Variants in ARID5B observed in about 807,000 individuals in gnomAD.
ARID5B encodes AT-rich interactive domain-containing protein 5B.
Under a neutral mutation model 97.2 loss-of-function variants are expected in ARID5B, and 13 were observed. The ratio of observed to expected loss-of-function variants is 0.13; its 90% CI spans 0.09 to 0.21. The LOEUF is 0.21. Ranked by LOEUF, ARID5B falls within the 10% of genes least tolerant of loss-of-function variation. The pLI, the probability that ARID5B is intolerant of heterozygous loss-of-function variation, is 1.00. For synonymous variants in ARID5B, 556 were observed against 570.3 expected, an observed-to-expected ratio of 0.97 and a Z score of 0.36; for missense variants, 1,210 against 1,465.3, an observed-to-expected ratio of 0.83 and a Z score of 2.84.
intron 4 of ARID5B, among the ~76,000 whole-genome samples, chr10:62,008,763 G>A (rs564431043): frequency 2.0e-4 from 31 of 152,308 alleles, no homozygotes; most frequent in South Asian, 4.1e-4. Context: ...CTCTTTAAGA[G>A]TGCAAACTAT....
In ARID5B at chr10:61,930,706, C is replaced by T. The variant is rs60120069; in HGVS notation, c.277-9477C>T. Among the ~76,000 whole-genome samples, 495 of 62,400 alleles carry T rather than the reference C, an allele frequency of 7.9e-3. 3 individuals carry two copies. The highest frequency in any genetic ancestry group is 0.027 in the African/African-American group (461 of 16,786). 40.9% of individuals were successfully genotyped at this position (62,400 alleles called of 152,430 possible). On this transcript the variant is annotated intron_variant, in intron 2 of 9. Coordinates refer to ENST00000279873, the MANE Select transcript of ARID5B (RefSeq NM_032199.3). ...CTGCACTCCAGCCTGGGCGACAGAG[C>T]GAGACTCCGCCTCAAAAAATAAATA...
intron 4 of ARID5B, among the ~76,000 whole-genome samples, chr10:62,034,595 G>T (rs1839538186): frequency 6.6e-6 from 1 of 152,232 alleles, no homozygotes; most frequent in South Asian, 2.1e-4. Flanking sequence ...TCTGTGTAAA[G>T]TGTGACATTT....
At chr10:62,081,918 T>G (rs1170107802) in intron 8 of ARID5B, among the ~76,000 whole-genome samples, 2 of 152,316 alleles carry the variant, frequency 1.3e-5, no homozygotes, top group South Asian at 4.1e-4. Flanking sequence ...TGTATGATGA[T>G]AATTTAGTGG....
In ARID5B at chr10:61,962,827, CA is replaced by C. The variant is rs375571852; in HGVS notation, c.502+22420del. On this transcript the variant is annotated intron_variant, in intron 3 of 9. Transcript: ENST00000279873. ...AGTTATCCGTTAAGTCACCAAAAAG[CA>C]TTTATGGTCTTAGAGTAAATGATTG... 5.8e-4 allele frequency among the ~76,000 whole-genome samples: 88 copies of C among 152,250 alleles called. 2 individuals carry two copies. The East Asian group carries it at 0.015, about 26-fold the overall frequency.
At chr10:61,975,776 A>C (rs1021469784) in intron 3 of ARID5B, among the ~76,000 whole-genome samples, 4 of 152,130 alleles carry the variant, frequency 2.6e-5, no homozygotes, top group African/African-American at 9.7e-5. Context: ...GATGGATGTA[A>C]ATTCTGAGCA....
chr10:61,922,723 G>A (rs2132771891), intron 2 of ARID5B, among the ~76,000 whole-genome samples: 1 of 152,392 alleles, frequency 6.6e-6, no homozygotes, highest in Non-Finnish European at 1.5e-5. Flanking sequence ...TGTCCCAGGT[G>A]TGTTTCTCAT....
intron 8 of ARID5B, 55 bp from the exon 9 acceptor site, chr10:62,085,647 T>C (rs1403574511): frequency 6.3e-6 from 9 of 1,427,470 alleles, no homozygotes; most frequent in Non-Finnish European, 8.7e-6. Flanking sequence ...CCCCATAGCA[T>C]TGATGCTACT....
chr10:62,035,048 T>TTAGGTA (rs1205775745), intron 4 of ARID5B, among the ~76,000 whole-genome samples: 1 of 152,124 alleles, frequency 6.6e-6, no homozygotes, highest in African/African-American at 2.4e-5. Flanking sequence ...TGGGTTTCTG[T>TTAGGTA]TAGGTATTTA....
chr10:61,950,854 A>G (rs906130037), intron 3 of ARID5B, among the ~76,000 whole-genome samples: 3 of 152,210 alleles, frequency 2.0e-5, no homozygotes, highest in African/African-American at 7.2e-5. Flanking sequence ...ACAGTGAGCC[A>G]TTATTACAGC....
In ARID5B at chr10:62,090,933, A is replaced by G. The variant is rs775335362; in HGVS notation, c.1470A>G (p.Ala490=). ...SQKSIPEPLP[A]ADMKKKIEGY... is the part of the protein sequence containing the mutation. ...AAAGCATCCCTGAGCCTCTCCCAGC[A>G]GCAGACATGAAGAAAAAAATAGAAG... is the stretch of plus-strand genomic sequence containing the variant. Residue 490 remains alanine (A), a synonymous_variant, in exon 10 of 10, where the codon GCA becomes GCG. Coordinates refer to ENST00000279873, the MANE Select transcript of ARID5B (RefSeq NM_032199.3). The G allele has an allele frequency of 3.7e-6, 6 of 1,613,946 alleles. No homozygotes were observed. The African/African-American group carries it at 8.0e-5, about 22-fold the overall frequency.
At chr10:61,926,205 A>G (rs1844103151) in intron 2 of ARID5B, among the ~76,000 whole-genome samples, 1 of 152,244 alleles carries the variant, frequency 6.6e-6, no homozygotes, top group African/African-American at 2.4e-5. Flanking sequence ...GGGAACAAAA[A>G]CACGATAAAA....
intron 3 of ARID5B, among the ~76,000 whole-genome samples, chr10:61,995,627 C>T (rs1838985488): frequency 6.6e-6 from 1 of 151,818 alleles, no homozygotes; most frequent in South Asian, 2.1e-4. Flanking sequence ...TAAAGTTGAC[C>T]ATATTTTGTC....
chr10:61,901,780 C>T lies in ARID5B; in HGVS notation c.21+50C>T, dbSNP rs762704193. 27 of 1,575,698 alleles carry T rather than the reference C, an allele frequency of 1.7e-5. No homozygotes were observed. In the East Asian group the frequency reaches 5.6e-4, roughly 33 times the overall value. ...CGATCCCGGCACCCCCCGGCACCCC[C>T]CAACCCCCCAGCTCACCCACACCTC... On this transcript the variant is annotated intron_variant, in intron 1 of 9. Transcript: ENST00000279873.
intron 3 of ARID5B, among the ~76,000 whole-genome samples, chr10:61,956,562 C>T (rs1838394273): frequency 6.6e-6 from 1 of 152,008 alleles, no homozygotes; most frequent in Non-Finnish European, 1.5e-5. Context: ...GTTTCCAGGC[C>T]TCCTCAGCAC....
intron 3 of ARID5B, among the ~76,000 whole-genome samples, chr10:61,958,450 T>C (rs1455470364): frequency 6.6e-6 from 1 of 151,514 alleles, no homozygotes; most frequent in Non-Finnish European, 1.5e-5. Context: ...CTGGTCTAGA[T>C]CTCCTGACCT....
At chr10:61,990,693 C>A (rs1838911903) in intron 3 of ARID5B, among the ~76,000 whole-genome samples, 1 of 152,188 alleles carries the variant, frequency 6.6e-6, no homozygotes, top group South Asian at 2.1e-4. Flanking sequence ...AAGCATGCAT[C>A]TACACAGAAA....
At position 61,936,816 on chromosome 10, in the gene ARID5B, A is replaced by T. The variant is rs1844309232; in HGVS notation, c.277-3367A>T. ...GCTGGACAAGGCAGACAGAATTATTATAAAACCTGGGTTTCCCTTTTTTTC... is the reference window on the plus strand; with the variant it reads ...GCTGGACAAGGCAGACAGAATTATTTTAAAACCTGGGTTTCCCTTTTTTTC... On this transcript the variant is annotated intron_variant, in intron 2 of 9. Coordinates refer to ENST00000279873, the MANE Select transcript of ARID5B (RefSeq NM_032199.3). Among the ~76,000 whole-genome samples, 6 of 7,920 alleles carry T rather than the reference A, an allele frequency of 7.6e-4. No homozygotes were observed. The South Asian group carries it at 0.026, about 34-fold the overall frequency. 5.2% of individuals were successfully genotyped at this position (7,920 alleles called of 152,430 possible). A position where few individuals can be genotyped will look rare whatever the true frequency, so the allele number is the denominator to read the frequency against.
chr10:62,028,226 C>T (rs1839447041), intron 4 of ARID5B, among the ~76,000 whole-genome samples: 2 of 152,188 alleles, frequency 1.3e-5, no homozygotes, highest in Admixed American at 1.3e-4. Flanking sequence ...AGAAGAGTTT[C>T]CTTTAATGAT....
intron 4 of ARID5B, among the ~76,000 whole-genome samples, chr10:62,024,169 T>G (rs1839390331): frequency 6.6e-6 from 1 of 152,252 alleles, no homozygotes; most frequent in South Asian, 2.1e-4. Context: ...AGATAATCCA[T>G]GAGGCCCTGA....
Sources: gnomAD v4.1 joint callset for allele counts (sites outside exome capture counted in the v4.1 genomes callset) on GRCh38, gnomAD v4.1.1 for gene constraint, MANE v1.5 for transcripts, NCBI Gene and HGNC (gene_info 2026-07-23, HGNC 2026-07-21) for gene names.